Variants in UNC5C observed in about 807,000 individuals in gnomAD.
UNC5C encodes the protein netrin receptor UNC5C.
UNC5C carries 47 observed loss-of-function variants against 99.8 expected under a neutral mutation model. That is an observed-to-expected ratio of 0.47 (90% CI 0.37 to 0.60). The LOEUF (loss-of-function observed/expected upper bound fraction) is 0.60, where lower values mean the gene tolerates loss of function less well. UNC5C is among the 20% of genes least tolerant of loss of function. The pLI is 0.00. For synonymous variants in UNC5C, 487 were observed against 452.2 expected, an observed-to-expected ratio of 1.08 and a Z score of -0.98; for missense variants, 1,062 against 1,165.9, an observed-to-expected ratio of 0.91 and a Z score of 1.30.
At chr4:95,301,422 C>T (rs978632332) in intron 3 of UNC5C, among the ~76,000 whole-genome samples, 184 bp downstream of exon 3, 1 of 152,076 alleles carries the variant, frequency 6.6e-6, no homozygotes, top group Admixed American at 6.6e-5. Context: ...GTCTCGATCT[C>T]CTGACCTTGT....
intron 14 of UNC5C, among the ~76,000 whole-genome samples, chr4:95,171,796 T>A (rs556337124): frequency 1.8e-3 from 271 of 151,888 alleles, no homozygotes; most frequent in African/African-American, 6.3e-3. Context: ...TAGTTCTAGA[T>A]CCCTGAGGAG....
rs540211852 is a variant in UNC5C at position 95,545,771 on chromosome 4, C to T, written c.124+2963G>A. 1.4e-3 allele frequency among the ~76,000 whole-genome samples: 197 copies of T among 136,174 alleles called. 1 individual carries two copies. The highest frequency in any genetic ancestry group is 4.3e-3 in the South Asian group (20 of 4,656). 89.3% of individuals were successfully genotyped at this position (136,174 alleles called of 152,430 possible). ...CTGATCTCACACACACGCGCGCGCG[C>T]GCACACACACACACACACACACACT... On this transcript the variant is annotated intron_variant, in intron 1 of 15. Transcript: ENST00000453304.
At chr4:95,459,282 T>G (rs17023958) in intron 1 of UNC5C, among the ~76,000 whole-genome samples, 2,501 of 152,226 alleles carry the variant, frequency 0.016, 74 homozygotes, top group African/African-American at 0.057. Flanking sequence ...TCATATGGCA[T>G]TGTGATTGTT....
intron 1 of UNC5C, among the ~76,000 whole-genome samples, chr4:95,444,317 G>A (rs1018762996): frequency 2.7e-5 from 4 of 150,168 alleles, no homozygotes; most frequent in African/African-American, 7.3e-5. Context: ...TAAATAGGCA[G>A]CTGGAGTGCA....
intron 1 of UNC5C, among the ~76,000 whole-genome samples, chr4:95,398,044 CTT>C (rs34609153): frequency 1.9e-4 from 18 of 95,882 alleles, no homozygotes; most frequent in Admixed American, 2.3e-4. Context: ...CCAAATGTAG[CTT>C]TTTTTTTTTT....
chr4:95,430,966 A>C (rs1370150384), intron 1 of UNC5C, among the ~76,000 whole-genome samples: 2 of 152,012 alleles, frequency 1.3e-5, no homozygotes. Flanking sequence ...TCATCTTTAC[A>C]TCCCACCTCC....
chr4:95,510,295 T>C (rs1722035085), intron 1 of UNC5C, among the ~76,000 whole-genome samples: 1 of 152,170 alleles, frequency 6.6e-6, no homozygotes, highest in African/African-American at 2.4e-5. Flanking sequence ...AGTAAATATT[T>C]ATCTTTCAAA....
chr4:95,456,422 C>T (rs1489600588), intron 1 of UNC5C, among the ~76,000 whole-genome samples: 3 of 152,060 alleles, frequency 2.0e-5, no homozygotes, highest in Non-Finnish European at 4.4e-5. Context: ...CTTTGGTAAA[C>T]TCAACTGTAA....
chr4:95,182,605 C>A (rs1324425471), intron 14 of UNC5C, among the ~76,000 whole-genome samples: 2 of 152,102 alleles, frequency 1.3e-5, no homozygotes, highest in Admixed American at 6.6e-5. Flanking sequence ...TTAAATTAAA[C>A]CTTTACTTGA....
intron 1 of UNC5C, among the ~76,000 whole-genome samples, chr4:95,465,675 G>C (rs1747750844): frequency 6.6e-6 from 1 of 151,980 alleles, no homozygotes; most frequent in Non-Finnish European, 1.5e-5. Flanking sequence ...CTTATTTTAG[G>C]ATCTACAGCA....
intron 3 of UNC5C, among the ~76,000 whole-genome samples, chr4:95,288,097 T>TATTTA (rs59608128): frequency 6.6e-6 from 1 of 151,164 alleles, no homozygotes; most frequent in African/African-American, 2.4e-5. Context: ...TTTATTTATT[T>TATTTA]TTTGAGAGGG....
At chr4:95,301,513 A>G in intron 3 of UNC5C, 93 bp downstream of exon 3, 1 of 1,550,178 alleles carries the variant, frequency 6.5e-7, no homozygotes, top group Middle Eastern at 1.8e-4. Context: ...ATTTTTGACC[A>G]GTTTTCTTTG....
chr4:95,534,422 C>T (rs1281492075), intron 1 of UNC5C, among the ~76,000 whole-genome samples: 2 of 152,092 alleles, frequency 1.3e-5, no homozygotes, highest in Admixed American at 1.3e-4. Context: ...TTTACAATGA[C>T]ACATTTTAAA....
chr4:95,354,746 G>A (rs1038533340), intron 1 of UNC5C, among the ~76,000 whole-genome samples: 1 of 151,886 alleles, frequency 6.6e-6, no homozygotes, highest in Admixed American at 6.6e-5. Context: ...GCTTCCCAAA[G>A]TGCTGTCTGG....
chr4:95,465,264 G>T (rs914266754), intron 1 of UNC5C, among the ~76,000 whole-genome samples: 1 of 152,146 alleles, frequency 6.6e-6, no homozygotes, highest in Admixed American at 6.5e-5. Flanking sequence ...TCCCTGCCAG[G>T]GGATAGCCTC....
intron 4 of UNC5C, among the ~76,000 whole-genome samples, chr4:95,260,943 A>G (rs1740199510): frequency 6.6e-6 from 1 of 152,166 alleles, no homozygotes; most frequent in South Asian, 2.1e-4. Context: ...AAGTAGTTGC[A>G]TTCCCAATTT....
chr4:95,366,432 C>T (rs1433285775), intron 1 of UNC5C, among the ~76,000 whole-genome samples: 1 of 152,226 alleles, frequency 6.6e-6, no homozygotes, highest in Non-Finnish European at 1.5e-5. Flanking sequence ...TCTTGAGGAA[C>T]TCTAACTGCC....
At chr4:95,487,593 C>G (rs1232098398) in intron 1 of UNC5C, among the ~76,000 whole-genome samples, 1 of 151,726 alleles carries the variant, frequency 6.6e-6, no homozygotes, top group Non-Finnish European at 1.5e-5. Flanking sequence ...ACTTACACTA[C>G]TATAAATACT....
rs1721935274 is a variant in UNC5C, at chr4:95,506,785, ATT to A, written c.124+41947_124+41948del. On this transcript the variant is annotated intron_variant, in intron 1 of 15. Coordinates refer to ENST00000453304, the MANE Select transcript of UNC5C (RefSeq NM_003728.4). ...ACAATATGGTGATAATAATATATAT[ATT>A]ATATGCCAATGATAATATCCAGGAT... Among the ~76,000 whole-genome samples, 3 of 151,896 alleles carry A rather than the reference ATT, an allele frequency of 2.0e-5. No homozygotes were observed. The Admixed American group carries it at 2.0e-4, about 10-fold the overall frequency.
Sources: gnomAD v4.1 joint callset for allele counts (sites outside exome capture counted in the v4.1 genomes callset) on GRCh38, gnomAD v4.1.1 for gene constraint, MANE v1.5 for transcripts, NCBI Gene and HGNC (gene_info 2026-07-23, HGNC 2026-07-21) for gene names.